The following KCNH5 variants were observed in gnomAD, a reference collection of about 807,000 sequenced individuals.
KCNH5 encodes potassium voltage-gated channel subfamily H member 5, also known as voltage-gated delayed rectifier potassium channel KCNH5.
Under a neutral mutation model 96.1 loss-of-function variants are expected in KCNH5, and 46 were observed. That is an observed-to-expected ratio of 0.48 (90% CI 0.38 to 0.61). The LOEUF (loss-of-function observed/expected upper bound fraction) is 0.61. KCNH5 is among the 20% of genes least tolerant of loss of function. The probability of loss-of-function intolerance (pLI) is 0.00; values close to 1 mark genes in which losing one functional copy is unlikely to be tolerated. For missense variants in KCNH5, 907 were observed against 1,225.8 expected (o/e 0.74, Z 3.88); for synonymous variants, 439 against 449.8 (o/e 0.98, Z 0.30).
intron 7 of KCNH5, among the ~76,000 whole-genome samples, chr14:62,898,155 G>A (rs916880090): frequency 1.3e-5 from 2 of 152,040 alleles, no homozygotes; most frequent in Admixed American, 6.5e-5. Context: ...AAAATATAAT[G>A]TAATAAACTG....
chr14:63,024,679 A>G (rs1891493211), intron 1 of KCNH5, among the ~76,000 whole-genome samples: 1 of 152,138 alleles, frequency 6.6e-6, no homozygotes. Flanking sequence ...TTGAAGAAAT[A>G]AATTTCTAGA....
At chr14:62,940,684 A>G (rs1889770386) in intron 7 of KCNH5, among the ~76,000 whole-genome samples, 1 of 152,158 alleles carries the variant, frequency 6.6e-6, no homozygotes, top group Admixed American at 6.5e-5. Flanking sequence ...TGTTCTCTAT[A>G]CCTGGAAAAT....
chr14:62,911,404 G>A (rs11624360), intron 7 of KCNH5, among the ~76,000 whole-genome samples: 82,535 of 151,064 alleles, frequency 0.55, 23,268 homozygotes, highest in South Asian at 0.68. Flanking sequence ...TCAGCCTCCC[G>A]AGTAGCTGGG....
intron 7 of KCNH5, among the ~76,000 whole-genome samples, chr14:62,919,271 G>A (rs1379709505): frequency 6.7e-6 from 1 of 148,150 alleles, no homozygotes; most frequent in Non-Finnish European, 1.5e-5. Context: ...TCACGAGTAT[G>A]TATTATTTTT....
At chr14:62,947,714 G>GACACACACACACACACACAC (rs373941818) in intron 7 of KCNH5, among the ~76,000 whole-genome samples, 1,534 of 149,544 alleles carry the variant, frequency 0.01, 40 homozygotes, top group African/African-American at 0.036. Flanking sequence ...GGACAGCTTA[G>GACACACACACACACACACAC]ACACACACAC....
At chr14:62,865,957 A>G (rs1279892645) in intron 7 of KCNH5, among the ~76,000 whole-genome samples, 1 of 152,222 alleles carries the variant, frequency 6.6e-6, no homozygotes, top group Non-Finnish European at 1.5e-5. Context: ...AGCAATCATC[A>G]ATTGATTATC....
Position 62,712,631 on chromosome 14 carries a change from G to C in KCNH5, c.2020-4176C>G, listed in dbSNP as rs1021304358. The stretch of plus-strand genomic sequence containing the variant: ...CCTGGACTCCGTGAAAACTCGGATA[G>C]ATGAATGGGTGAAGTAGGAAGTCGT... On this transcript the variant is annotated intron_variant, in intron 10 of 10. Transcript: ENST00000322893. 18 of 767,432 alleles carry C rather than the reference G, an allele frequency of 2.3e-5. No individual in the cohort carries two copies. The South Asian group carries it at 2.5e-4, about 11-fold the overall frequency. 47.5% of individuals were successfully genotyped at this position (767,432 alleles called of 1,614,324 possible).
At chr14:62,874,294 T>C (rs8021162) in intron 7 of KCNH5, among the ~76,000 whole-genome samples, 3,096 of 151,974 alleles carry the variant, frequency 0.02, 58 homozygotes, top group East Asian at 0.081. Flanking sequence ...AAAAACCTCA[T>C]CAAAAAGTAG....
intron 10 of KCNH5, among the ~76,000 whole-genome samples, chr14:62,755,848 G>GA (rs1004117645): frequency 1.3e-5 from 2 of 151,552 alleles, no homozygotes; most frequent in African/African-American, 4.8e-5. Flanking sequence ...CACAATGAAG[G>GA]AAAAAAAATT....
At chr14:62,711,975 C>T (rs1884579172) in intron 10 of KCNH5, among the ~76,000 whole-genome samples, 1 of 152,166 alleles carries the variant, frequency 6.6e-6, no homozygotes, top group African/African-American at 2.4e-5. Flanking sequence ...AGATCTCAGA[C>T]ACAAGCCCTA....
At chr14:63,020,536 A>G (rs1309426245) in intron 1 of KCNH5, among the ~76,000 whole-genome samples, 2 of 152,166 alleles carry the variant, frequency 1.3e-5, no homozygotes, top group Non-Finnish European at 2.9e-5. Context: ...TAAAACAGCC[A>G]CTAAAGTAGG....
intron 8 of KCNH5, among the ~76,000 whole-genome samples, chr14:62,812,196 T>C (rs1886886555): frequency 6.6e-6 from 1 of 152,158 alleles, no homozygotes; most frequent in Non-Finnish European, 1.5e-5. Flanking sequence ...AAAATTAAAA[T>C]GCTGATTTTT....
At chr14:62,890,560 G>T (rs567170476) in intron 7 of KCNH5, among the ~76,000 whole-genome samples, 6 of 151,698 alleles carry the variant, frequency 4.0e-5, no homozygotes, top group African/African-American at 1.4e-4. Context: ...TTAGCCGGGC[G>T]TGGTGGCAGG....
chr14:62,788,396 T>G (rs1886363741), intron 9 of KCNH5, among the ~76,000 whole-genome samples: 1 of 152,178 alleles, frequency 6.6e-6, no homozygotes, highest in Non-Finnish European at 1.5e-5. Flanking sequence ...AGAAAGTGGT[T>G]TCTTGAGACA....
At chr14:62,763,454 A>G (rs1389588958) in intron 10 of KCNH5, among the ~76,000 whole-genome samples, 4 of 152,204 alleles carry the variant, frequency 2.6e-5, no homozygotes, top group African/African-American at 4.8e-5. Context: ...TCAAATTAAC[A>G]ATGTAATATC....
intron 9 of KCNH5, among the ~76,000 whole-genome samples, chr14:62,795,147 G>A (rs981087976): frequency 6.6e-6 from 1 of 152,090 alleles, no homozygotes; most frequent in Admixed American, 6.6e-5. Context: ...AAAGTTATGG[G>A]CTTTTGAGAA....
chr14:62,974,451 C>G (rs1890465246), intron 6 of KCNH5, among the ~76,000 whole-genome samples: 1 of 152,158 alleles, frequency 6.6e-6, no homozygotes, highest in African/African-American at 2.4e-5. Flanking sequence ...TTAGTGACAA[C>G]ATTCTTTTAC....
Position 62,980,880 on chromosome 14 carries a change from C to T in KCNH5, c.934G>A (p.Val312Met), listed in dbSNP as rs1890592369. The stretch of plus-strand genomic sequence containing the variant: ...CAAAACGAAAAACTTACCTCATCCA[C>T]ATTTTCAAAGGCATTGATGATGTCA... ...PYDIINAFEN[V>M]DEGISSLFSS... The change falls in exon 6 of 11, where the codon GTG becomes ATG. Residue 312 changes from valine to methionine, a missense_variant. Around this residue, in one of 6 missense-constraint regions of KCNH5, gnomAD observed 370 missense variants for 561.3 expected, o/e 0.66. Coordinates refer to ENST00000322893, the MANE Select transcript of KCNH5 (RefSeq NM_139318.5). 3.1e-6 allele frequency: 5 copies of T among 1,613,240 alleles called. No individual in the cohort carries two copies. Among genetic ancestry groups the T allele is most frequent in the South Asian group, 1.1e-5 (1 of 90,798 alleles).
intron 6 of KCNH5, among the ~76,000 whole-genome samples, chr14:62,977,934 T>C (rs542676429): frequency 1.3e-5 from 2 of 152,276 alleles, no homozygotes; most frequent in African/African-American, 4.8e-5. Context: ...AGCTTACACT[T>C]TTACACAGTA....
Sources: allele counts gnomAD v4.1 joint callset (sites outside exome capture counted in the v4.1 genomes callset), GRCh38; gene constraint gnomAD v4.1.1; regional missense constraint gnomAD v4.1.1; transcripts MANE v1.5; gene names NCBI Gene and HGNC (gene_info 2026-07-23, HGNC 2026-07-21).